SNX29: variants seen among roughly 807,000 people sequenced by gnomAD.
SNX29 encodes sorting nexin 29, also known as sorting nexin-29.
Under a neutral mutation model 102.1 loss-of-function variants are expected in SNX29, and 78 were observed. The ratio of observed to expected loss-of-function variants is 0.76; its 90% CI spans 0.64 to 0.92. The LOEUF is 0.92. Among genes scored for constraint, SNX29 ranks in the 40% least tolerant of loss-of-function variants. SNX29 has a pLI of 0.00. For missense variants in SNX29, 1,280 were observed against 1,061.7 expected (o/e 1.21, Z -2.86); for synonymous variants, 580 against 414.5 (o/e 1.40, Z -4.85).
At chr16:12,124,321 A>T (rs1228836488) in intron 11 of SNX29, among the ~76,000 whole-genome samples, 1 of 149,424 alleles carries the variant, frequency 6.7e-6, no homozygotes, top group African/African-American at 2.5e-5. Flanking sequence ...ATACCACTGC[A>T]CTCCATCCTG....
chr16:12,032,723 T>C (rs1429182995), intron 4 of SNX29, among the ~76,000 whole-genome samples: 5 of 152,066 alleles, frequency 3.3e-5, no homozygotes, highest in African/African-American at 9.7e-5. Context: ...TAATTCTATG[T>C]TTAATTATTT....
chr16:12,362,560 C>CCG (rs2082333981), intron 16 of SNX29, among the ~76,000 whole-genome samples: 1 of 34,260 alleles, frequency 2.9e-5, no homozygotes, highest in Non-Finnish European at 8.4e-5. Flanking sequence ...CACTCCCCCC[C>CCG]CACCCCCCCC....
At chr16:12,386,540 C>G (rs2151449689) in intron 16 of SNX29, among the ~76,000 whole-genome samples, 1 of 152,262 alleles carries the variant, frequency 6.6e-6, no homozygotes, top group South Asian at 2.1e-4. Flanking sequence ...CACTGGCCAA[C>G]CAGAATACTG....
At chr16:12,230,046 G>A (rs1450357213) in intron 14 of SNX29, among the ~76,000 whole-genome samples, 1 of 152,048 alleles carries the variant, frequency 6.6e-6, no homozygotes, top group African/African-American at 2.4e-5. Context: ...AGATGAGTGG[G>A]CTTGGCTGTA....
chr16:12,392,872 C>G (rs1426163945), intron 16 of SNX29, among the ~76,000 whole-genome samples: 3 of 152,130 alleles, frequency 2.0e-5, no homozygotes, highest in African/African-American at 7.2e-5. Flanking sequence ...GGGGCTTTGT[C>G]CTGAAGGCGT....
At chr16:12,563,990 C>CT (rs1598089727) in intron 20 of SNX29, among the ~76,000 whole-genome samples, 1 of 152,112 alleles carries the variant, frequency 6.6e-6, no homozygotes, top group East Asian at 1.9e-4. Flanking sequence ...TCCCTCTGCC[C>CT]CTGCAGCACC....
chr16:12,080,947 G>A (rs1034443683), intron 11 of SNX29, among the ~76,000 whole-genome samples: 1 of 152,120 alleles, frequency 6.6e-6, no homozygotes, highest in Admixed American at 6.6e-5. Flanking sequence ...CTCCCAAAGT[G>A]CTGGGATTAC....
intron 8 of SNX29, 105 bp downstream of exon 8, chr16:12,052,327 C>T (rs2151220806): frequency 1.5e-6 from 2 of 1,299,528 alleles, no homozygotes; most frequent in Non-Finnish European, 2.2e-6. Context: ...AGCTATTCTC[C>T]TGCCTCAGCC....
chr16:12,129,816 C>T, intron 13 of SNX29, 58 bp downstream of exon 13: 1 of 1,518,778 alleles, frequency 6.6e-7, no homozygotes, highest in Non-Finnish European at 8.9e-7. Context: ...AAAACCTGAG[C>T]ATACTGGGCC....
chr16:12,566,143 G>A (rs142101197), intron 20 of SNX29, among the ~76,000 whole-genome samples: 54 of 152,296 alleles, frequency 3.5e-4, no homozygotes, highest in South Asian at 1.0e-3. Flanking sequence ...GCAGGCATTT[G>A]CCTACAGAAA....
chr16:12,395,494 G>A (rs1406077965), intron 16 of SNX29, among the ~76,000 whole-genome samples: 1 of 152,212 alleles, frequency 6.6e-6, no homozygotes, highest in Non-Finnish European at 1.5e-5. Context: ...TGGCTGCTCT[G>A]TTGCTCTAGT....
chr16:12,478,542 T>G (rs1012079353), intron 19 of SNX29, among the ~76,000 whole-genome samples: 11 of 152,208 alleles, frequency 7.2e-5, no homozygotes, highest in African/African-American at 2.7e-4. Flanking sequence ...TTAATATTAT[T>G]CACTCAGCAG....
chr16:12,195,257 A>G (rs182625197), intron 13 of SNX29, among the ~76,000 whole-genome samples: 1 of 152,350 alleles, frequency 6.6e-6, no homozygotes, highest in Admixed American at 6.5e-5. Context: ...TTATAGGAGG[A>G]TGCACCATAA....
chr16:12,159,318 CTG>C (rs1348575099), intron 13 of SNX29, among the ~76,000 whole-genome samples: 1 of 152,326 alleles, frequency 6.6e-6, no homozygotes, highest in South Asian at 2.1e-4. Context: ...GCTCAGCACA[CTG>C]TATGTTGGGC....
chr16:12,493,829 T>G (rs1174594386), intron 19 of SNX29, among the ~76,000 whole-genome samples: 1 of 152,214 alleles, frequency 6.6e-6, no homozygotes. Context: ...TGACCTCAGA[T>G]GATCCACCCG....
Position 12,570,723 on chromosome 16 carries a change from C to G in SNX29, c.*2094C>G, listed in dbSNP as rs1052584044. On this transcript the variant is annotated 3_prime_UTR_variant, in exon 21 of 21. Coordinates refer to ENST00000566228, the MANE Select transcript of SNX29 (RefSeq NM_032167.5). ...CCCAAAGCACAGGATGTGAATTGGT[C>G]TCTCTCCAGATACCCCACGAGGAAG... The G allele has an allele frequency of 1.3e-5, 3 of 232,208 alleles. No homozygotes were observed. The highest frequency in any genetic ancestry group is 2.2e-5 in the African/African-American group (1 of 45,280). 14.4% of individuals were successfully genotyped at this position (232,208 alleles called of 1,614,324 possible).
chr16:12,104,673 T>C (rs1038846456), intron 11 of SNX29, among the ~76,000 whole-genome samples: 1 of 152,198 alleles, frequency 6.6e-6, no homozygotes, highest in Middle Eastern at 3.2e-3. Flanking sequence ...TAGCTGTGGG[T>C]TGGGGCCATT....
intron 4 of SNX29, among the ~76,000 whole-genome samples, chr16:12,037,256 G>A (rs1291408408): frequency 2.0e-5 from 3 of 152,118 alleles, no homozygotes; most frequent in Non-Finnish European, 1.5e-5. Flanking sequence ...CTGCGTTCCA[G>A]GAACACCATG....
intron 20 of SNX29, chr16:12,527,394 T>C: frequency 2.0e-6 from 1 of 489,864 alleles, no homozygotes. Context: ...CCTAAGGAAA[T>C]AAACCCCCAA....
Sources: allele counts gnomAD v4.1 joint callset (sites outside exome capture counted in the v4.1 genomes callset), GRCh38; gene constraint gnomAD v4.1.1; transcripts MANE v1.5; gene names NCBI Gene and HGNC (gene_info 2026-07-23, HGNC 2026-07-21).